The following KCNIP4 variants were observed in gnomAD, a reference collection of about 807,000 sequenced individuals.
KCNIP4 encodes the protein Kv channel-interacting protein 4.
KCNIP4 carries 12 observed loss-of-function variants against 34.0 expected under a neutral mutation model. That is an observed-to-expected ratio of 0.35 (90% CI 0.23 to 0.57). The LOEUF is 0.57. Ranked by LOEUF, KCNIP4 falls within the 20% of genes least tolerant of loss-of-function variation. The pLI is 0.83. For missense variants in KCNIP4, 238 were observed against 311.7 expected (o/e 0.76, Z 1.78); for synonymous variants, 124 against 102.2 (o/e 1.21, Z -1.29).
chr4:21,616,100 C>T (rs1164944748), intron 1 of KCNIP4, among the ~76,000 whole-genome samples: 2 of 152,122 alleles, frequency 1.3e-5, no homozygotes, highest in Non-Finnish European at 2.9e-5. Context: ...GCTCTGGCTC[C>T]CCAGTCACTG....
chr4:20,755,274 G>T (rs1361877735), intron 4 of KCNIP4, among the ~76,000 whole-genome samples: 1 of 151,748 alleles, frequency 6.6e-6, no homozygotes, highest in Non-Finnish European at 1.5e-5. Flanking sequence ...GACATGTTAG[G>T]CACAAAATTG....
intron 1 of KCNIP4, among the ~76,000 whole-genome samples, chr4:21,286,089 CAG>C (rs1763104919): frequency 6.6e-6 from 1 of 152,308 alleles, no homozygotes; most frequent in Non-Finnish European, 1.5e-5. Context: ...TGTAGATACA[CAG>C]GGGAATTTCC....
intron 1 of KCNIP4, among the ~76,000 whole-genome samples, chr4:20,955,487 T>A (rs1043033228): frequency 1.1e-4 from 16 of 152,174 alleles, no homozygotes; most frequent in African/African-American, 3.9e-4. Context: ...CCTCTGAGTC[T>A]CAGGTTCTTC....
chr4:21,871,392 C>T (rs1395146768), intron 1 of KCNIP4, among the ~76,000 whole-genome samples: 1 of 151,134 alleles, frequency 6.6e-6, no homozygotes, highest in African/African-American at 2.4e-5. Flanking sequence ...GGAACCAACC[C>T]AAATGTCCAT....
At chr4:21,097,259 G>A (rs2163932) in intron 1 of KCNIP4, among the ~76,000 whole-genome samples, 147,396 of 152,294 alleles carry the variant, frequency 0.97, 71,357 homozygotes, top group Middle Eastern at 1. Flanking sequence ...AACATTACTC[G>A]GCAGTTATAA....
At chr4:21,133,865 CG>C (rs1560752041) in intron 1 of KCNIP4, among the ~76,000 whole-genome samples, 1 of 152,164 alleles carries the variant, frequency 6.6e-6, no homozygotes, top group Non-Finnish European at 1.5e-5. Flanking sequence ...AAAGCCCAGA[CG>C]TTTTGCTTCA....
At chr4:21,183,471 T>A (rs1307257608) in intron 1 of KCNIP4, among the ~76,000 whole-genome samples, 2 of 145,758 alleles carry the variant, frequency 1.4e-5, no homozygotes, top group Non-Finnish European at 3.0e-5. Context: ...TTGTTTTTGT[T>A]TTTTTTTTTT....
At chr4:21,053,664 G>T (rs1293331454) in intron 1 of KCNIP4, among the ~76,000 whole-genome samples, 6 of 152,196 alleles carry the variant, frequency 3.9e-5, no homozygotes, top group African/African-American at 2.4e-5. Flanking sequence ...TGATAGTAAG[G>T]TTGCAGGATA....
chr4:21,550,633 C>T (rs2109014965), intron 1 of KCNIP4, among the ~76,000 whole-genome samples: 1 of 152,116 alleles, frequency 6.6e-6, no homozygotes, highest in African/African-American at 2.4e-5. Context: ...CCTCCCTACC[C>T]ATAGATACAA....
chr4:21,796,351 A>G (rs1278059019), intron 1 of KCNIP4, among the ~76,000 whole-genome samples: 2 of 151,846 alleles, frequency 1.3e-5, no homozygotes, highest in African/African-American at 4.8e-5. Context: ...AGCCTTCCCC[A>G]TTTCTTCCAA....
At chr4:21,428,023 TA>T (rs1418833159) in intron 1 of KCNIP4, among the ~76,000 whole-genome samples, 1 of 151,660 alleles carries the variant, frequency 6.6e-6, no homozygotes, top group Non-Finnish European at 1.5e-5. Flanking sequence ...GAATGGAGGG[TA>T]AAGGAGAGAG....
chr4:21,758,934 T>C (rs1181086180), intron 1 of KCNIP4, among the ~76,000 whole-genome samples: 3 of 143,652 alleles, frequency 2.1e-5, no homozygotes. Flanking sequence ...ATAATAACAA[T>C]AATAATAATA....
At chr4:21,492,633 C>T (rs113273989) in intron 1 of KCNIP4, among the ~76,000 whole-genome samples, 103 of 152,258 alleles carry the variant, frequency 6.8e-4, no homozygotes, top group African/African-American at 2.1e-3. Flanking sequence ...ATGGTCTTAA[C>T]TTCTTGAGGC....
chr4:21,021,859 C>CGTATT (rs1553928077), intron 1 of KCNIP4, among the ~76,000 whole-genome samples: 169 of 145,928 alleles, frequency 1.2e-3, no homozygotes, highest in Non-Finnish European at 1.9e-3. Flanking sequence ...AGTATAGTAT[C>CGTATT]GTATAGTATA....
At chr4:20,752,297 G>C (rs1753798325) in intron 4 of KCNIP4, among the ~76,000 whole-genome samples, 1 of 152,088 alleles carries the variant, frequency 6.6e-6, no homozygotes, top group African/African-American at 2.4e-5. Flanking sequence ...GACAGCAGGT[G>C]ATCAGCCTGC....
intron 1 of KCNIP4, among the ~76,000 whole-genome samples, chr4:21,199,721 G>T (rs1243162406): frequency 3.0e-5 from 2 of 66,754 alleles, no homozygotes; most frequent in South Asian, 1.1e-3. Context: ...AAATCATGCT[G>T]CTATAAAGAT....
intron 1 of KCNIP4, among the ~76,000 whole-genome samples, chr4:21,366,367 T>C (rs935525405): frequency 5.9e-5 from 9 of 152,156 alleles, no homozygotes; most frequent in African/African-American, 2.2e-4. Context: ...ATGCCAGCAA[T>C]TGCCTCTTCC....
At position 21,549,275 on chromosome 4, in the gene KCNIP4, C is replaced by G. The variant is rs190054824; in HGVS notation, c.61+399296G>C. Reference sequence around the variant, plus strand: ...ACCTATATACCATAACTACCTGATACAATTTGGATGCTTGTCCCCTCCAAA... The same window carrying G: ...ACCTATATACCATAACTACCTGATAGAATTTGGATGCTTGTCCCCTCCAAA... On this transcript the variant is annotated intron_variant, in intron 1 of 8. Coordinates refer to ENST00000382152, the MANE Select transcript of KCNIP4 (RefSeq NM_025221.6). Among the ~76,000 whole-genome samples, 27 of 152,052 alleles carry G rather than the reference C, an allele frequency of 1.8e-4. No homozygotes were observed. The East Asian group carries it at 4.7e-3, about 26-fold the overall frequency.
At chr4:21,504,504 A>AAAGGAAGGAAGG (rs1288325980) in intron 1 of KCNIP4, among the ~76,000 whole-genome samples, 11 of 133,576 alleles carry the variant, frequency 8.2e-5, no homozygotes, top group African/African-American at 2.5e-4. Context: ...AGAAAGAAAG[A>AAAGGAAGGAAGG]AAGGAAGGAA....
Sources: allele counts gnomAD v4.1 joint callset (sites outside exome capture counted in the v4.1 genomes callset), GRCh38; gene constraint gnomAD v4.1.1; transcripts MANE v1.5; gene names NCBI Gene and HGNC (gene_info 2026-07-23, HGNC 2026-07-21).